The following LAMC1 variants were observed in gnomAD, a reference collection of about 807,000 sequenced individuals.
LAMC1 encodes laminin subunit gamma-1.
LAMC1 carries 38 observed loss-of-function variants against 173.6 expected under a neutral mutation model. That is an observed-to-expected ratio of 0.22 (90% CI 0.17 to 0.29). LAMC1 has a LOEUF of 0.29. LAMC1 is among the 10% of genes least tolerant of loss of function. The pLI is 1.00. For missense variants in LAMC1, 1,824 were observed against 2,051.8 expected, an observed-to-expected ratio of 0.89 and a Z score of 2.14; for synonymous variants, 746 against 749.1, an observed-to-expected ratio of 1.00 and a Z score of 0.07.
At chr1:183,104,080 T>C (rs1020364772) in intron 2 of LAMC1, among the ~76,000 whole-genome samples, 2 of 152,226 alleles carry the variant, frequency 1.3e-5, no homozygotes, top group Non-Finnish European at 2.9e-5. Flanking sequence ...TGAAGCAAGA[T>C]ATTTAAGAAT....
chr1:183,117,463 G>T, intron 9 of LAMC1, 21 bp downstream of exon 9: 1 of 1,611,598 alleles, frequency 6.2e-7, no homozygotes, highest in Non-Finnish European at 8.5e-7. Context: ...CTAGAAAGCA[G>T]TCTGACCTGC....
intron 1 of LAMC1, among the ~76,000 whole-genome samples, chr1:183,102,808 A>T (rs1051734147): frequency 6.6e-6 from 1 of 152,128 alleles, no homozygotes; most frequent in East Asian, 1.9e-4. Flanking sequence ...CCCTTCTTCA[A>T]ATGTCTGTAT....
At chr1:183,059,200 C>G (rs953442188) in intron 1 of LAMC1, among the ~76,000 whole-genome samples, 1 of 152,174 alleles carries the variant, frequency 6.6e-6, no homozygotes, top group African/African-American at 2.4e-5. Context: ...AAGAAACCTA[C>G]TCAGAGATAA....
chr1:183,112,105 C>T (rs932721750), intron 4 of LAMC1, among the ~76,000 whole-genome samples: 3 of 152,154 alleles, frequency 2.0e-5, no homozygotes, highest in Admixed American at 6.5e-5. Flanking sequence ...TCTTAACTCA[C>T]TACTGTTTCC....
intron 6 of LAMC1, among the ~76,000 whole-genome samples, chr1:183,115,963 C>T (rs1048278173): frequency 2.0e-5 from 3 of 151,902 alleles, no homozygotes; most frequent in Non-Finnish European, 4.4e-5. Context: ...CCCGTCTATA[C>T]TAAAAATACA....
chr1:183,140,365 C>T (rs751836282), intron 26 of LAMC1, 39 bp from the exon 27 acceptor site: 1 of 1,159,952 alleles, frequency 8.6e-7, no homozygotes, highest in Non-Finnish European at 1.2e-6. Context: ...AAGATGAAAA[C>T]ATACAGTCAA....
At chr1:183,102,365 C>G (rs1239808589) in intron 1 of LAMC1, among the ~76,000 whole-genome samples, 2 of 152,152 alleles carry the variant, frequency 1.3e-5, no homozygotes, top group East Asian at 3.9e-4. Context: ...CATTCTGTCC[C>G]CTGATGTATA....
chr1:183,102,632 T>A (rs1402939688), intron 1 of LAMC1, among the ~76,000 whole-genome samples: 1 of 152,246 alleles, frequency 6.6e-6, no homozygotes, highest in Non-Finnish European at 1.5e-5. Context: ...TCCTCTCTGC[T>A]CAGAGCTCAT....
At chr1:183,116,950 C>A in intron 8 of LAMC1, 47 bp downstream of exon 8, 1 of 1,538,692 alleles carries the variant, frequency 6.5e-7, no homozygotes, top group Non-Finnish European at 8.8e-7. Flanking sequence ...TGAGATTACA[C>A]TTAAAATATT....
At chr1:183,098,975 C>T (rs935270693) in intron 1 of LAMC1, among the ~76,000 whole-genome samples, 9 of 152,146 alleles carry the variant, frequency 5.9e-5, no homozygotes. Flanking sequence ...TTTCCTTGGC[C>T]CTGTAACCCT....
intron 11 of LAMC1, among the ~76,000 whole-genome samples, chr1:183,120,672 A>G (rs528894060): frequency 6.6e-6 from 1 of 152,310 alleles, no homozygotes; most frequent in South Asian, 2.1e-4. Flanking sequence ...TGCTTGTATC[A>G]GGGGCACCAC....
chr1:183,034,389 G>A (rs953119255), intron 1 of LAMC1, among the ~76,000 whole-genome samples: 1 of 152,152 alleles, frequency 6.6e-6, no homozygotes, highest in Non-Finnish European at 1.5e-5. Flanking sequence ...TCCTGCCTCA[G>A]CCTCCTGAGT....
At chr1:183,110,098 G>A (rs1039076089) in intron 3 of LAMC1, among the ~76,000 whole-genome samples, 1 of 152,110 alleles carries the variant, frequency 6.6e-6, no homozygotes. Context: ...TACAGGCGAG[G>A]CACAGAGGTT....
At chr1:183,095,010 T>C (rs1655656902) in intron 1 of LAMC1, among the ~76,000 whole-genome samples, 1 of 152,108 alleles carries the variant, frequency 6.6e-6, no homozygotes, top group Non-Finnish European at 1.5e-5. Flanking sequence ...CACACCCAGC[T>C]AATTTTTATA....
Position 183,117,422 on chromosome 1 carries a change from C to T in LAMC1, c.1667C>T (p.Pro556Leu). ...GCCGTGATCTCAGACAGCTACTTTCCTCGGTACTTCATTGCTCCTGGTAAG... is the reference window on the plus strand; with the variant it reads ...GCCGTGATCTCAGACAGCTACTTTCTTCGGTACTTCATTGCTCCTGGTAAG... Reference protein sequence around the residue: ...DIAVISDSYFPRYFIAPAKFL... With the variant: ...DIAVISDSYFLRYFIAPAKFL... The change falls in exon 9 of 28, where the codon CCT becomes CTT. Residue 556 changes from proline to leucine, a missense_variant. By Grantham distance (98) the Pro-to-Leu change is moderately conservative. Coordinates refer to ENST00000258341, the MANE Select transcript of LAMC1 (RefSeq NM_002293.4). 1.2e-6 allele frequency: 2 copies of T among 1,613,768 alleles called. No homozygotes were observed. Among genetic ancestry groups the T allele is most frequent in the Non-Finnish European group, 1.7e-6 (2 of 1,179,700 alleles).
chr1:183,100,731 G>T (rs1384671430), intron 1 of LAMC1, among the ~76,000 whole-genome samples: 2 of 152,172 alleles, frequency 1.3e-5, no homozygotes, highest in Non-Finnish European at 2.9e-5. Context: ...GCAGTTGTCT[G>T]TATGCGCCGT....
chr1:183,132,421 C>T lies in LAMC1; in HGVS notation c.3588C>T (p.Asp1196=), dbSNP rs201801915. The change falls in exon 21 of 28, where the codon GAC becomes GAT. Residue 1196 remains aspartate (D), a synonymous_variant. Coordinates refer to ENST00000258341, the MANE Select transcript of LAMC1 (RefSeq NM_002293.4). ...ATAGTCATAAACAGGAAGCTGATGA[C>T]ATTGTTCGAGTGGCAAAGACAGCCA... ...LAERHKQEAD[D]IVRVAKTAND... 2 of 1,613,714 alleles carry T rather than the reference C, an allele frequency of 1.2e-6. No homozygotes were observed. The highest frequency in any genetic ancestry group is 4.5e-5 in the East Asian group (2 of 44,872).
At chr1:183,078,987 C>G (rs1214039313) in intron 1 of LAMC1, among the ~76,000 whole-genome samples, 4 of 152,050 alleles carry the variant, frequency 2.6e-5, no homozygotes, top group African/African-American at 9.7e-5. Flanking sequence ...AAGAGCAAAA[C>G]TCTGTCTTAA....
intron 1 of LAMC1, among the ~76,000 whole-genome samples, chr1:183,098,329 A>G (rs1655747337): frequency 6.6e-6 from 1 of 152,206 alleles, no homozygotes; most frequent in South Asian, 2.1e-4. Context: ...TCCAGATAAC[A>G]CACATACCTC....
Sources: allele counts gnomAD v4.1 joint callset (sites outside exome capture counted in the v4.1 genomes callset), GRCh38; gene constraint gnomAD v4.1.1; transcripts MANE v1.5; gene names NCBI Gene and HGNC (gene_info 2026-07-23, HGNC 2026-07-21).